ADK: variants seen among roughly 807,000 people sequenced by gnomAD.
The protein encoded by ADK is N6,N6-dimethyladenosine kinase.
In ADK, 24 loss-of-function variants were observed where a neutral mutation model predicts 44.7. The ratio of observed to expected loss-of-function variants is 0.54; its 90% confidence interval spans 0.39 to 0.76. The LOEUF (loss-of-function observed/expected upper bound fraction) is 0.76, where lower values mean the gene tolerates loss of function less well. ADK is among the 30% of genes least tolerant of loss of function. The pLI, the probability that ADK is intolerant of heterozygous loss-of-function variation, is 0.00. For missense variants in ADK, 321 were observed against 425.1 expected, an observed-to-expected ratio of 0.76 and a Z score of 2.15; for synonymous variants, 128 against 142.6, an observed-to-expected ratio of 0.90 and a Z score of 0.73.
intron 3 of ADK, among the ~76,000 whole-genome samples, chr10:74,274,040 C>G (rs748252786): frequency 2.0e-5 from 3 of 151,342 alleles, no homozygotes; most frequent in Non-Finnish European, 2.9e-5. Flanking sequence ...TTTTTTGACT[C>G]AAGATCAAAC....
intron 10 of ADK, among the ~76,000 whole-genome samples, chr10:74,702,227 C>T (rs532029858): frequency 5.3e-5 from 8 of 149,714 alleles, no homozygotes; most frequent in East Asian, 2.0e-4. Context: ...TCTGTCGCCT[C>T]GGCTGGAGTG....
intron 3 of ADK, among the ~76,000 whole-genome samples, chr10:74,278,694 A>G (rs1327280537): frequency 6.6e-6 from 1 of 151,636 alleles, no homozygotes; most frequent in East Asian, 1.9e-4. Flanking sequence ...TGGGGTCTGG[A>G]TATATTGCCC....
rs185603866 is a variant in ADK, at chr10:74,325,547, C to T, written c.273+10802C>T. The stretch of plus-strand genomic sequence containing the variant: ...GAATAGAAATGGTGAAAGTATACAT[C>T]CTTGTCTTGTTCCAGATTTCAGAGG... On this transcript the variant is annotated intron_variant, in intron 4 of 10. Coordinates refer to ENST00000539909, the MANE Select transcript of ADK (RefSeq NM_006721.4). Among the ~76,000 whole-genome samples, 74 of 152,172 alleles carry T rather than the reference C, an allele frequency of 4.9e-4. 2 individuals carry two copies. In the East Asian group the frequency reaches 0.014, roughly 28 times the overall value.
intron 7 of ADK, among the ~76,000 whole-genome samples, chr10:74,533,073 A>C (rs1849347540): frequency 6.6e-6 from 1 of 152,178 alleles, no homozygotes; most frequent in Admixed American, 6.5e-5. Context: ...ATCAAAAAGT[A>C]TAACAAAGTA....
At chr10:74,233,271 A>T (rs1194041158) in intron 3 of ADK, among the ~76,000 whole-genome samples, 2 of 152,178 alleles carry the variant, frequency 1.3e-5, no homozygotes, top group South Asian at 4.1e-4. Context: ...CTGCCTTTTG[A>T]TGTAGGTTAA....
chr10:74,621,460 T>C (rs926668924), intron 9 of ADK, among the ~76,000 whole-genome samples: 6 of 152,224 alleles, frequency 3.9e-5, no homozygotes, highest in Non-Finnish European at 8.8e-5. Flanking sequence ...ACATGCTGTT[T>C]TGGTTACTAT....
intron 3 of ADK, among the ~76,000 whole-genome samples, chr10:74,256,534 A>G (rs559206408): frequency 1.6e-4 from 24 of 152,242 alleles, no homozygotes; most frequent in Non-Finnish European, 2.9e-4. Flanking sequence ...TCAGATAATT[A>G]TGCTTAGTTG....
At chr10:74,408,459 A>T (rs1844037083) in intron 6 of ADK, among the ~76,000 whole-genome samples, 1 of 152,168 alleles carries the variant, frequency 6.6e-6, no homozygotes, top group Non-Finnish European at 1.5e-5. Flanking sequence ...TCAGAAAATG[A>T]TCATAACCAT....
chr10:74,191,471 C>T (rs943631288), intron 1 of ADK, among the ~76,000 whole-genome samples: 8 of 152,100 alleles, frequency 5.3e-5, no homozygotes, highest in South Asian at 2.1e-4. Context: ...AGGCTGGTCT[C>T]GAACTCTTGG....
At chr10:74,258,978 G>A (rs1845934945) in intron 3 of ADK, among the ~76,000 whole-genome samples, 1 of 121,668 alleles carries the variant, frequency 8.2e-6, no homozygotes, top group Middle Eastern at 7.9e-3. Flanking sequence ...TTGAGACGGA[G>A]TCTCCCTGTG....
At chr10:74,688,289 T>TA (rs1429153083) in intron 10 of ADK, among the ~76,000 whole-genome samples, 2 of 152,248 alleles carry the variant, frequency 1.3e-5, no homozygotes, top group African/African-American at 4.8e-5. Context: ...TGGAATTGTC[T>TA]TATTTACTTA....
At chr10:74,151,905 A>G (rs754214090) in intron 1 of ADK, among the ~76,000 whole-genome samples, 1 of 152,194 alleles carries the variant, frequency 6.6e-6, no homozygotes, top group Non-Finnish European at 1.5e-5. Context: ...TGGATAGGAA[A>G]GGTTGATTTC....
At chr10:74,442,669 A>T (rs1223045857) in intron 6 of ADK, among the ~76,000 whole-genome samples, 1 of 152,114 alleles carries the variant, frequency 6.6e-6, no homozygotes, top group Non-Finnish European at 1.5e-5. Flanking sequence ...AAATAATTAA[A>T]TAAACGGAAA....
chr10:74,333,677 T>C (rs1327001649), intron 4 of ADK, among the ~76,000 whole-genome samples: 1 of 152,190 alleles, frequency 6.6e-6, no homozygotes, highest in Non-Finnish European at 1.5e-5. Flanking sequence ...TTTAATTTAT[T>C]GTTTTGCAAA....
At chr10:74,662,699 A>T (rs1027358944) in intron 9 of ADK, among the ~76,000 whole-genome samples, 2 of 152,222 alleles carry the variant, frequency 1.3e-5, no homozygotes, top group Non-Finnish European at 2.9e-5. Flanking sequence ...CTCCAGGTAC[A>T]GTGGCCTTCT....
intron 6 of ADK, among the ~76,000 whole-genome samples, chr10:74,440,454 A>G (rs1306889954): frequency 2.0e-5 from 3 of 152,190 alleles, no homozygotes; most frequent in Non-Finnish European, 4.4e-5. Flanking sequence ...TGTGCCTTTT[A>G]TACTTGAAAA....
At chr10:74,387,479 G>A (rs936508129) in intron 4 of ADK, among the ~76,000 whole-genome samples, 1 of 152,042 alleles carries the variant, frequency 6.6e-6, no homozygotes, top group African/African-American at 2.4e-5. Flanking sequence ...TTCATCCTAG[G>A]GGCACCATGA....
chr10:74,642,319 TTTTC>T (rs1190236550), intron 9 of ADK, among the ~76,000 whole-genome samples: 13 of 151,632 alleles, frequency 8.6e-5, no homozygotes, highest in African/African-American at 2.9e-4. Context: ...CTCAATTTTT[TTTTC>T]TTTTTTTTCC....
At chr10:74,405,849 G>A (rs1843904173) in intron 6 of ADK, among the ~76,000 whole-genome samples, 2 of 152,044 alleles carry the variant, frequency 1.3e-5, no homozygotes, top group Admixed American at 6.6e-5. Context: ...TGTGCCTCAG[G>A]TACTGTTCCT....
Sources: allele counts gnomAD v4.1 joint callset (sites outside exome capture counted in the v4.1 genomes callset), GRCh38; gene constraint gnomAD v4.1.1; transcripts MANE v1.5; gene names NCBI Gene and HGNC (gene_info 2026-07-23, HGNC 2026-07-21).